Variants in GEMIN4 observed in about 807,000 individuals in gnomAD.
GEMIN4 encodes the protein gem nuclear organelle associated protein 4.
Under a neutral mutation model 76.8 loss-of-function variants are expected in GEMIN4, and 59 were observed. That is an observed-to-expected ratio of 0.77 (90% CI 0.62 to 0.95). GEMIN4 has a LOEUF of 0.95. Ranked by LOEUF, GEMIN4 falls within the 40% of genes least tolerant of loss-of-function variation. The pLI is 0.00. For missense variants in GEMIN4, 1,311 were observed against 1,318.9 expected (o/e 0.99, Z 0.09); for synonymous variants, 562 against 559.7 (o/e 1.00, Z -0.06).
chr17:750,008 T>G (rs1328941640), intron 1 of GEMIN4: 1 of 983,368 alleles, frequency 1.0e-6, no homozygotes, highest in East Asian at 1.1e-4. Flanking sequence ...ATGGAAAACA[T>G]CTTGGGATGT....
chr17:745,464 A>C lies in GEMIN4; in HGVS notation c.2579T>G (p.Val860Gly), dbSNP rs1338298405. The stretch of plus-strand genomic sequence containing the variant: ...CTCCTGAGGGCTGCACCAAGGCATG[A>C]CTTGCACCAGGGCCACCAGAAAGCC... ...SKGFLVALVQ[V>G]MPWCSPQEWQ... Residue 860 changes from valine to glycine, a missense_variant, in exon 2 of 2, where the codon GTC becomes GGC. Physicochemically the swap from Val to Gly is moderately radical, Grantham distance 109. Around this residue, in one of 2 missense-constraint regions of GEMIN4, gnomAD observed 1,208 missense variants for 1,166.9 expected, o/e 1.04. Coordinates refer to ENST00000319004, the MANE Select transcript of GEMIN4 (RefSeq NM_015721.3). The surrounding 1 kb of genome is among the most constrained non-coding windows in gnomAD (Gnocchi z 4.6). 6.2e-7 allele frequency: 1 copy of C among 1,612,190 alleles called. No homozygotes were observed. Among genetic ancestry groups the C allele is most frequent in the Admixed American group, 1.7e-5 (1 of 60,020 alleles).
rs753798938 is a variant in GEMIN4 at position 745,020 on chromosome 17, G to T, written c.3023C>A (p.Thr1008Asn). Residue 1008 changes from threonine (T) to asparagine (N), a missense_variant, in exon 2 of 2, where the codon ACC becomes AAC. Coordinates refer to ENST00000319004, the MANE Select transcript of GEMIN4 (RefSeq NM_015721.3). This position sits in a 1 kb window ranked among gnomAD's most constrained non-coding sequence, Gnocchi z 4.6. ...CEPLYVLALE[T>N]LTCYETLSKT... is the part of the protein sequence containing the mutation. The stretch of plus-strand genomic sequence containing the variant: ...GCTCAAAGTCTCATAGCAGGTGAGG[G>T]TTTCCAAGGCTAAAACGTAGAGTGG... 42 of 1,613,916 alleles carry T rather than the reference G, an allele frequency of 2.6e-5. No homozygotes were observed. The Admixed American group carries it at 6.8e-4, about 26-fold the overall frequency.
In GEMIN4 at chr17:744,936, T is replaced by C; in HGVS notation, c.3107A>G (p.Lys1036Arg). 1 of 1,613,876 alleles carries C rather than the reference T, an allele frequency of 6.2e-7. No homozygotes were observed. The highest frequency in any genetic ancestry group is 1.1e-5 in the South Asian group (1 of 91,068). ...LQRAHEQRFLKSIAEGIGPEE... is the reference protein window; with the variant it reads ...LQRAHEQRFLRSIAEGIGPEE... ...AGGGCCGATGCCCTCAGCAATGGACTTTAAGAAGCGCTGCTCGTGTGCCCT... is the reference window on the plus strand; with the variant it reads ...AGGGCCGATGCCCTCAGCAATGGACCTTAAGAAGCGCTGCTCGTGTGCCCT... Residue 1036 changes from lysine (K) to arginine (R), a missense_variant, in exon 2 of 2, where the codon AAG becomes AGG. By Grantham distance (26) the Lys-to-Arg change is conservative (BLOSUM62 2). Coordinates refer to ENST00000319004, the MANE Select transcript of GEMIN4 (RefSeq NM_015721.3).
In GEMIN4 at chr17:747,790, G is replaced by C. The variant is rs146489979; in HGVS notation, c.253C>G (p.Pro85Ala). Residue 85 changes from proline (P) to alanine (A), a missense_variant, in exon 2 of 2, where the codon CCG becomes GCG. Physicochemically the swap from Pro to Ala is conservative, Grantham distance 27. Transcript: ENST00000319004. Reference protein sequence around the residue: ...AKVLQPHPVTPSDTETRWQED... With the variant: ...AKVLQPHPVTASDTETRWQED... Reference sequence around the variant, plus strand: ...TGCCACCGTGTCTCTGTGTCGGACGGGGTCACGGGGTGCGGCTGCAGAACC... The same window carrying C: ...TGCCACCGTGTCTCTGTGTCGGACGCGGTCACGGGGTGCGGCTGCAGAACC... The C allele has an allele frequency of 1.2e-6, 2 of 1,613,496 alleles. No homozygotes were observed. Among genetic ancestry groups the C allele is most frequent in the Non-Finnish European group, 1.7e-6 (2 of 1,179,756 alleles).
intron 1 of GEMIN4, chr17:748,280 T>C (rs894238301): frequency 3.9e-6 from 2 of 510,466 alleles, no homozygotes; most frequent in African/African-American, 3.9e-5. Context: ...ATACAGGGAA[T>C]GGAGGAGAAT....
rs1453534876 is a variant in GEMIN4, at chr17:745,786, T to C, written c.2257A>G (p.Ile753Val). The change falls in exon 2 of 2, where the codon ATC becomes GTC. Residue 753 changes from isoleucine (I) to valine (V), a missense_variant. By Grantham distance (29) the Ile-to-Val change is conservative. This residue lies in a region of GEMIN4 where 1,208 missense variants were observed against 1,166.9 expected (regional missense o/e 1.04). Transcript: ENST00000319004. This position sits in a 1 kb window ranked among gnomAD's most constrained non-coding sequence, Gnocchi z 4.6. ...CGGTGGAGCCAGGACAGGGACTTGA[T>C]CCAGACATCCGGGGAGAAGGTCTCA... The part of the protein sequence containing the change: ...NAETFSPDVW[I>V]KSLSWLHRKL... 1 of 1,612,450 alleles carries C rather than the reference T, an allele frequency of 6.2e-7. No individual in the cohort carries two copies. Among genetic ancestry groups the C allele is most frequent in the East Asian group, 2.2e-5 (1 of 44,852 alleles).
chr17:750,918 A>C (rs1271795737), intron 1 of GEMIN4, among the ~76,000 whole-genome samples: 1 of 152,180 alleles, frequency 6.6e-6, no homozygotes, highest in African/African-American at 2.4e-5. Flanking sequence ...CTGGCTCAGG[A>C]GGCTCTCCCA....
In GEMIN4 at chr17:746,777, G is replaced by A; in HGVS notation, c.1266C>T (p.Cys422=). Residue 422 remains cysteine, a synonymous_variant, in exon 2 of 2, where the codon TGC becomes TGT. Transcript: ENST00000319004. The surrounding 1 kb of genome is among the most constrained non-coding windows in gnomAD (Gnocchi z 4.3). ...ACTTCTTCTCAGAGGCAAAAATGTA[G>A]CACACTTCCATATGGCGGTCCATCT... is the stretch of plus-strand genomic sequence containing the variant. ...QQKMDRHMEV[C]YIFASEKKWA... is the part of the protein sequence containing the mutation. The A allele has an allele frequency of 6.2e-7, 1 of 1,613,738 alleles. No homozygotes were observed. Among genetic ancestry groups the A allele is most frequent in the Non-Finnish European group, 8.5e-7 (1 of 1,179,784 alleles).
Position 745,787 on chromosome 17 carries a change from C to A in GEMIN4, c.2256G>T (p.Trp752Cys). 2 of 1,612,402 alleles carry A rather than the reference C, an allele frequency of 1.2e-6. No homozygotes were observed. The highest frequency in any genetic ancestry group is 1.7e-6 in the Non-Finnish European group (2 of 1,179,404). The change falls in exon 2 of 2, where the codon TGG becomes TGT. Residue 752 changes from tryptophan to cysteine, a missense_variant. Coordinates refer to ENST00000319004, the MANE Select transcript of GEMIN4 (RefSeq NM_015721.3). The surrounding 1 kb of genome is among the most constrained non-coding windows in gnomAD (Gnocchi z 4.6). ...ANAETFSPDV[W>C]IKSLSWLHRK... ...GGTGGAGCCAGGACAGGGACTTGATCCAGACATCCGGGGAGAAGGTCTCAG... is the reference window on the plus strand; with the variant it reads ...GGTGGAGCCAGGACAGGGACTTGATACAGACATCCGGGGAGAAGGTCTCAG...
In GEMIN4 at chr17:744,637, A is replaced by C. The variant is rs544628885; in HGVS notation, c.*229T>G. 10 of 469,730 alleles carry C rather than the reference A, an allele frequency of 2.1e-5. No individual in the cohort carries two copies. Among genetic ancestry groups the C allele is most frequent in the Non-Finnish European group, 3.7e-5 (10 of 267,168 alleles). The allele number at this position is 469,730 out of a possible 1,614,324, so 29.1% of individuals were successfully genotyped here. On this transcript the variant is annotated 3_prime_UTR_variant, in exon 2 of 2. Coordinates refer to ENST00000319004, the MANE Select transcript of GEMIN4 (RefSeq NM_015721.3). ...ACAAAGTGAGATGCGAAAGAGGAGA[A>C]TTTTTATGATAGTTTGTACGTTACA...
At chr17:753,106 C>G (rs568579301), upstream of GEMIN4, 2 of 153,258 alleles carry the variant, frequency 1.3e-5, no homozygotes, top group African/African-American at 4.9e-5. Context: ...GCTACGCGGC[C>G]AAAGTGGAGG....
upstream of GEMIN4, chr17:752,367 C>G (rs1361401007): frequency 9.6e-7 from 1 of 1,043,324 alleles, no homozygotes. Context: ...AGAGCCCTCC[C>G]ACCAGCCCTC....
intron 1 of GEMIN4, chr17:749,328 G>A (rs1268450995): frequency 3.9e-5 from 8 of 205,316 alleles, no homozygotes; most frequent in African/African-American, 1.8e-4. Context: ...ACAGGGTAAT[G>A]GGCACAGAGC....
At position 747,043 on chromosome 17, in the gene GEMIN4, C is replaced by G; in HGVS notation, c.1000G>C (p.Val334Leu). Residue 334 changes from valine (V) to leucine (L), a missense_variant, in exon 2 of 2, where the codon GTG becomes CTG. Val to Leu is a conservative substitution (Grantham distance 32, BLOSUM62 1). Transcript: ENST00000319004. Reference sequence around the variant, plus strand: ...CTTGTCCCCTGGCTGCTGCGGAGCACGGCCTGCAACTCCTCCCCCCACTCC... The same window carrying G: ...CTTGTCCCCTGGCTGCTGCGGAGCAGGGCCTGCAACTCCTCCCCCCACTCC... ...LREWGEELQA[V>L]LRSSQGTSYD... 2 of 1,613,450 alleles carry G rather than the reference C, an allele frequency of 1.2e-6. No homozygotes were observed. Among genetic ancestry groups the G allele is most frequent in the Non-Finnish European group, 1.7e-6 (2 of 1,179,844 alleles).
At position 747,630 on chromosome 17, in the gene GEMIN4, T is replaced by C; in HGVS notation, c.413A>G (p.His138Arg). Reference protein sequence around the residue: ...LLMALPTTICHAELERFLEHV... With the variant: ...LLMALPTTICRAELERFLEHV... ...TTCCAGAAAGCGCTCTAGTTCTGCA[T>C]GGCAGATGGTGGTGGGCAGGGCCAT... Residue 138 changes from histidine to arginine, a missense_variant, in exon 2 of 2, where the codon CAT becomes CGT. By Grantham distance (29) the His-to-Arg change is conservative. Around this residue, in one of 2 missense-constraint regions of GEMIN4, gnomAD observed 1,208 missense variants for 1,166.9 expected, o/e 1.04. Coordinates refer to ENST00000319004, the MANE Select transcript of GEMIN4 (RefSeq NM_015721.3). 6.2e-7 allele frequency: 1 copy of C among 1,613,938 alleles called. No individual in the cohort carries two copies. Among genetic ancestry groups the C allele is most frequent in the Non-Finnish European group, 8.5e-7 (1 of 1,179,872 alleles).
chr17:746,611 G>A lies in GEMIN4; in HGVS notation c.1432C>T (p.Gln478Ter). The A allele has an allele frequency of 6.2e-7, 1 of 1,613,626 alleles. No homozygotes were observed. The highest frequency in any genetic ancestry group is 8.5e-7 in the Non-Finnish European group (1 of 1,179,882). The stretch of plus-strand genomic sequence containing the variant: ...CATTCCAGGATCAGGTGGATCACCT[G>A]CCGGATCTGAGACTCAGGGATGGCT... ...DRAIPESQIR[Q>*]VIHLILECYA... The change falls in exon 2 of 2, where the codon CAG becomes TAG. Residue 478 changes from glutamine to a stop codon, truncating the protein, a stop_gained. Transcript: ENST00000319004. LOFTEE classifies it high-confidence loss of function. This position sits in a 1 kb window ranked among gnomAD's most constrained non-coding sequence, Gnocchi z 4.3.
chr17:752,047 G>T, intron 1 of GEMIN4, 86 bp downstream of exon 1: 3 of 931,414 alleles, frequency 3.2e-6, no homozygotes, highest in Non-Finnish European at 4.2e-6. Flanking sequence ...GCGAGCGTGC[G>T]CGACAGGAGG....
intron 1 of GEMIN4, chr17:748,331 C>G: frequency 2.8e-6 from 1 of 356,306 alleles, no homozygotes; most frequent in Non-Finnish European, 5.1e-6. Context: ...CTTTGGCCAT[C>G]AAGGTACAGA....
intron 1 of GEMIN4, chr17:749,441 A>C (rs1904516266): frequency 6.1e-6 from 1 of 163,056 alleles, no homozygotes; most frequent in African/African-American, 2.6e-5. Context: ...GCACAGAAGC[A>C]ATCACACGGC....
Sources: allele counts gnomAD v4.1 joint callset (sites outside exome capture counted in the v4.1 genomes callset), GRCh38; gene constraint gnomAD v4.1.1; regional missense constraint gnomAD v4.1.1; non-coding constraint Gnocchi (gnomAD v3.1); transcripts MANE v1.5; gene names NCBI Gene and HGNC (gene_info 2026-07-23, HGNC 2026-07-21).